NALCN: variants seen among roughly 807,000 people sequenced by gnomAD.
The protein encoded by NALCN is sodium leak channel, non-selective.
A neutral mutation model predicts 225.3 loss-of-function variants in NALCN; 111 were observed. The ratio of observed to expected loss-of-function variants is 0.49; its 90% CI spans 0.42 to 0.58. NALCN has a LOEUF of 0.58. NALCN is among the 20% of genes least tolerant of loss of function. The probability of loss-of-function intolerance (pLI) is 0.00; values close to 1 mark genes in which losing one functional copy is unlikely to be tolerated. For missense variants in NALCN, 1,378 were observed against 2,202.4 expected, an observed-to-expected ratio of 0.63 and a Z score of 7.49; for synonymous variants, 764 against 769.0, an observed-to-expected ratio of 0.99 and a Z score of 0.11.
chr13:101,324,949 C>A (rs2044889939), intron 7 of NALCN, among the ~76,000 whole-genome samples: 2 of 152,230 alleles, frequency 1.3e-5, no homozygotes, highest in Admixed American at 6.5e-5. Context: ...AGATACGTCC[C>A]ATCAATACTT....
chr13:101,152,930 G>T (rs17621669), intron 15 of NALCN, among the ~76,000 whole-genome samples: 2 of 151,738 alleles, frequency 1.3e-5, no homozygotes, highest in Non-Finnish European at 2.9e-5. Flanking sequence ...TAGATACTTG[G>T]TTCTTATTGT....
intron 6 of NALCN, among the ~76,000 whole-genome samples, chr13:101,351,970 T>C (rs1000864184): frequency 1.2e-4 from 19 of 152,236 alleles, no homozygotes; most frequent in African/African-American, 4.6e-4. Flanking sequence ...GTAATCACTG[T>C]CATTAATGAA....
At chr13:101,194,897 G>A (rs1280987689) in intron 13 of NALCN, among the ~76,000 whole-genome samples, 3 of 152,156 alleles carry the variant, frequency 2.0e-5, no homozygotes, top group Non-Finnish European at 4.4e-5. Flanking sequence ...CCAGCTACTC[G>A]GGAGGCTGAG....
chr13:101,150,294 C>T (rs1303240931), intron 15 of NALCN, among the ~76,000 whole-genome samples: 2 of 152,108 alleles, frequency 1.3e-5, no homozygotes, highest in Admixed American at 6.6e-5. Context: ...TTCTAAGGCA[C>T]AGTCAATATT....
Position 101,291,985 on chromosome 13 carries a change from C to T in NALCN, c.1047+5G>A, listed in dbSNP as rs1457231022. 8 of 1,613,698 alleles carry T rather than the reference C, an allele frequency of 5.0e-6. No homozygotes were observed. The highest frequency in any genetic ancestry group is 2.2e-5 in the East Asian group (1 of 44,858). ...GGTTATAACATCCTCTTGCTGATAG[C>T]GTACCTGGGTGGTGGCTGTTGAGGT... On this transcript the variant is annotated splice_donor_5th_base_variant and intron_variant, in intron 9 of 43. Coordinates refer to ENST00000251127, the MANE Select transcript of NALCN (RefSeq NM_052867.4).
intron 12 of NALCN, 92 bp from the exon 13 acceptor site, chr13:101,229,676 G>A (rs902245089): frequency 7.2e-6 from 7 of 969,008 alleles, no homozygotes; most frequent in African/African-American, 6.7e-5. Context: ...TTATTTTATA[G>A]TGCTTTATGA....
intron 15 of NALCN, among the ~76,000 whole-genome samples, chr13:101,162,131 G>C (rs964692639): frequency 6.6e-6 from 1 of 152,056 alleles, no homozygotes; most frequent in Admixed American, 6.5e-5. Flanking sequence ...CCTCACCCCT[G>C]ACCACCATTT....
chr13:101,164,532 C>T (rs2038349114), intron 15 of NALCN, among the ~76,000 whole-genome samples: 1 of 152,068 alleles, frequency 6.6e-6, no homozygotes, highest in Non-Finnish European at 1.5e-5. Flanking sequence ...CTCAAGCGAT[C>T]CTCCCACCTT....
intron 14 of NALCN, among the ~76,000 whole-genome samples, chr13:101,191,430 T>A (rs1195944855): frequency 6.6e-6 from 1 of 152,026 alleles, no homozygotes; most frequent in Non-Finnish European, 1.5e-5. Flanking sequence ...TTTCCATGTG[T>A]TTTTTTCCAG....
chr13:101,384,996 C>T (rs2046948174), intron 3 of NALCN, among the ~76,000 whole-genome samples: 1 of 152,204 alleles, frequency 6.6e-6, no homozygotes, highest in Non-Finnish European at 1.5e-5. Context: ...CCAGAGTGAA[C>T]TATTCAAACA....
intron 7 of NALCN, among the ~76,000 whole-genome samples, chr13:101,343,529 A>G (rs2045623217): frequency 1.3e-5 from 2 of 152,182 alleles, no homozygotes; most frequent in South Asian, 4.1e-4. Flanking sequence ...TGTTGAGCCT[A>G]TTAGTAAATA....
intron 17 of NALCN, among the ~76,000 whole-genome samples, chr13:101,139,540 T>C (rs1460570286): frequency 1.3e-5 from 2 of 152,194 alleles, no homozygotes; most frequent in East Asian, 3.9e-4. Flanking sequence ...AATGTCCTTT[T>C]TCTTTCATAC....
intron 14 of NALCN, among the ~76,000 whole-genome samples, chr13:101,185,690 G>T (rs1044904973): frequency 6.6e-6 from 1 of 152,182 alleles, no homozygotes; most frequent in Non-Finnish European, 1.5e-5. Context: ...TTTCATTGTG[G>T]GCTGAAAATT....
intron 6 of NALCN, among the ~76,000 whole-genome samples, chr13:101,363,219 A>T (rs553594157): frequency 1.3e-5 from 2 of 152,308 alleles, no homozygotes; most frequent in Admixed American, 1.3e-4. Flanking sequence ...GACATTCTTC[A>T]CAGGAATATA....
chr13:101,380,080 T>C (rs61973723), intron 3 of NALCN, among the ~76,000 whole-genome samples: 2 of 119,532 alleles, frequency 1.7e-5, no homozygotes, highest in East Asian at 4.5e-4. Flanking sequence ...GATGTATATA[T>C]ACACATATAT....
chr13:101,126,865 C>T lies in NALCN; in HGVS notation c.2119-2184G>A, dbSNP rs77822457. The stretch of plus-strand genomic sequence containing the variant: ...GCTCCTAAGGAAAGCTGCTTGGAGC[C>T]GCTTTTGGAGATGGAAGACTCAGCT... On this transcript the variant is annotated intron_variant, in intron 17 of 43. Transcript: ENST00000251127. Among the ~76,000 whole-genome samples, 353 of 152,196 alleles carry T rather than the reference C, an allele frequency of 2.3e-3. 2 individuals are homozygous for T. Among genetic ancestry groups the T allele is most frequent in the African/African-American group, 7.5e-3 (311 of 41,520 alleles).
At chr13:101,217,901 A>G (rs138174174) in intron 13 of NALCN, among the ~76,000 whole-genome samples, 48 of 152,234 alleles carry the variant, frequency 3.2e-4, no homozygotes, top group African/African-American at 1.1e-3. Context: ...TCTTTCTACC[A>G]CGTCTATTTA....
upstream of NALCN, chr13:101,416,517 C>T (rs1460503018): frequency 6.6e-6 from 1 of 151,956 alleles, no homozygotes; most frequent in Admixed American, 6.6e-5. Context: ...CTGAGCGCCG[C>T]CGCCGCCGGG....
chr13:101,332,397 CAAAAAAAAA>C (rs753158247), intron 7 of NALCN, among the ~76,000 whole-genome samples: 3 of 57,854 alleles, frequency 5.2e-5, no homozygotes, highest in African/African-American at 2.3e-4. Context: ...TTCACAAAGC[CAAAAAAAAA>C]AAAAAAAAAA....
Sources: allele counts gnomAD v4.1 joint callset (sites outside exome capture counted in the v4.1 genomes callset), GRCh38; gene constraint gnomAD v4.1.1; transcripts MANE v1.5; gene names NCBI Gene and HGNC (gene_info 2026-07-23, HGNC 2026-07-21).